Variants in EYA1 observed in about 807,000 individuals in gnomAD.
EYA1 encodes protein phosphatase EYA1.
A neutral mutation model predicts 82.0 loss-of-function variants in EYA1; 16 were observed. The ratio of observed to expected loss-of-function variants is 0.20; its 90% CI spans 0.13 to 0.30. The LOEUF is 0.30. EYA1 is among the 10% of genes least tolerant of loss of function. The pLI is 1.00. For synonymous variants in EYA1, 261 were observed against 264.4 expected (o/e 0.99, Z 0.12); for missense variants, 633 against 730.7 (o/e 0.87, Z 1.54).
chr8:71,470,406 A>G (rs1809099488), intron 2 of EYA1, among the ~76,000 whole-genome samples: 1 of 152,102 alleles, frequency 6.6e-6, no homozygotes, highest in Admixed American at 6.6e-5. Flanking sequence ...CATAACTCAC[A>G]TATGAATTTC....
intron 2 of EYA1, among the ~76,000 whole-genome samples, chr8:71,479,460 TC>T (rs2129209940): frequency 6.6e-6 from 1 of 152,248 alleles, no homozygotes; most frequent in African/African-American, 2.4e-5. Context: ...ACTTATACTT[TC>T]TTTTATTGCC....
At position 71,299,130 on chromosome 8, in the gene EYA1, G is replaced by A. The variant is rs186736708; in HGVS notation, c.743C>T (p.Thr248Met). 71 of 1,614,136 alleles carry A rather than the reference G, an allele frequency of 4.4e-5. No individual in the cohort carries two copies. In the East Asian group the frequency reaches 4.7e-4, roughly 11 times the overall value. Residue 248 changes from threonine (T) to methionine (M), a missense_variant, in exon 9 of 18, where the codon ACG (threonine) becomes ATG (methionine). Thr to Met is a moderately conservative substitution (Grantham distance 81). Transcript: ENST00000340726. ...GTAAGTGGCATTGGTGGATGGTGTCGTTGGGCTGGTGTTGCTGCTGGTCAT... is the reference window on the plus strand; with the variant it reads ...GTAAGTGGCATTGGTGGATGGTGTCATTGGGCTGGTGTTGCTGCTGGTCAT... ...HYMTSSNTSP[T>M]TPSTNATYQL...
Position 71,304,910 on chromosome 8 carries a change from T to C in EYA1, c.557-5190A>G, listed in dbSNP as rs553707815. On this transcript the variant is annotated intron_variant, in intron 7 of 17. Coordinates refer to ENST00000340726, the MANE Select transcript of EYA1 (RefSeq NM_000503.6). ...AGCAAAGGCAAAACAACAATGCTCA[T>C]GCTCCCCAGAAAGCTTCAGTGTATG... 5.6e-5 allele frequency among the ~76,000 whole-genome samples: 8 copies of C among 142,998 alleles called. No homozygotes were observed. The South Asian group carries it at 9.2e-4, about 16-fold the overall frequency. 93.8% of individuals were successfully genotyped at this position (142,998 alleles called of 152,430 possible). A position where few individuals can be genotyped will look rare whatever the true frequency, so the allele number is the denominator to read the frequency against.
intron 2 of EYA1, among the ~76,000 whole-genome samples, chr8:71,477,860 G>A (rs1039084637): frequency 1.8e-4 from 27 of 152,180 alleles, no homozygotes; most frequent in African/African-American, 5.8e-4. Flanking sequence ...AAAATAAAAC[G>A]TGGTACATTC....
At chr8:71,417,662 G>A (rs563859088) in intron 2 of EYA1, among the ~76,000 whole-genome samples, 1 of 152,226 alleles carries the variant, frequency 6.6e-6, no homozygotes, top group Non-Finnish European at 1.5e-5. Context: ...CTAATGGGTA[G>A]ACACAAGGGT....
chr8:71,542,169 A>G (rs1815190466), intron 1 of EYA1, among the ~76,000 whole-genome samples: 1 of 152,138 alleles, frequency 6.6e-6, no homozygotes, highest in Non-Finnish European at 1.5e-5. Flanking sequence ...TCACCTAGGT[A>G]TTAAGCCTAG....
At chr8:71,527,530 C>T (rs534288360) in intron 2 of EYA1, among the ~76,000 whole-genome samples, 26 of 152,252 alleles carry the variant, frequency 1.7e-4, no homozygotes, top group Middle Eastern at 3.4e-3. Context: ...AAGGAGAGAG[C>T]GCACAACTGT....
At chr8:71,373,868 A>G (rs780377198) in intron 2 of EYA1, among the ~76,000 whole-genome samples, 2 of 152,152 alleles carry the variant, frequency 1.3e-5, no homozygotes, top group Non-Finnish European at 2.9e-5. Context: ...CAACAAGACC[A>G]CCAATAAGAC....
Position 71,283,326 on chromosome 8 carries a change from G to A in EYA1, c.827-11429C>T, listed in dbSNP as rs1029013908. Among the ~76,000 whole-genome samples the A allele has an allele frequency of 4.3e-4, 66 of 152,254 alleles. 1 individual carries two copies. Among genetic ancestry groups the A allele is most frequent in the Admixed American group, 4.0e-3 (61 of 15,302 alleles). On this transcript the variant is annotated intron_variant, in intron 9 of 17. Coordinates refer to ENST00000340726, the MANE Select transcript of EYA1 (RefSeq NM_000503.6). ...GTGTCACCCGATGGACAACTCTTCC[G>A]AAACAGTTTACCTGCCCTAACGCTA...
intron 9 of EYA1, among the ~76,000 whole-genome samples, chr8:71,276,423 T>A (rs1042412992): frequency 2.6e-5 from 4 of 152,182 alleles, no homozygotes; most frequent in African/African-American, 9.7e-5. Flanking sequence ...TCCCACTATT[T>A]CTAGACCTCT....
intron 12 of EYA1, among the ~76,000 whole-genome samples, chr8:71,236,754 A>G (rs1811885439): frequency 6.6e-6 from 1 of 152,238 alleles, no homozygotes; most frequent in Admixed American, 6.5e-5. Context: ...ATGCTGTTAA[A>G]TGGAATAATG....
At chr8:71,393,952 T>A (rs988487910) in intron 2 of EYA1, among the ~76,000 whole-genome samples, 25 of 150,630 alleles carry the variant, frequency 1.7e-4, no homozygotes, top group African/African-American at 5.3e-4. Context: ...CTCTCCAGCA[T>A]CTGTTTCCTG....
chr8:71,457,456 G>A (rs1808026787), intron 2 of EYA1, among the ~76,000 whole-genome samples: 1 of 152,126 alleles, frequency 6.6e-6, no homozygotes, highest in Admixed American at 6.5e-5. Flanking sequence ...AAAGACACGT[G>A]CGCACGTATG....
intron 2 of EYA1, among the ~76,000 whole-genome samples, chr8:71,416,048 G>A (rs377292995): frequency 1.1e-4 from 16 of 152,234 alleles, no homozygotes; most frequent in Middle Eastern, 3.4e-3. Flanking sequence ...TCCCTGTGCC[G>A]CAGGAGGCTG....
intron 2 of EYA1, among the ~76,000 whole-genome samples, chr8:71,459,563 C>T (rs1808212764): frequency 1.3e-5 from 2 of 152,080 alleles, no homozygotes; most frequent in Admixed American, 6.5e-5. Context: ...TTTATTTCTG[C>T]TATTTATTTT....
chr8:71,474,056 G>C (rs1322341655), intron 2 of EYA1, among the ~76,000 whole-genome samples: 2 of 152,086 alleles, frequency 1.3e-5, no homozygotes, highest in East Asian at 1.9e-4. Context: ...TTATTGGGGG[G>C]TGCATAGAAG....
chr8:71,322,124 G>A, intron 5 of EYA1, 75 bp downstream of exon 5: 2 of 1,273,398 alleles, frequency 1.6e-6, no homozygotes, highest in South Asian at 1.2e-5. Flanking sequence ...GAACATGTGG[G>A]CACAGACATG....
chr8:71,354,378 G>A (rs890683640), intron 3 of EYA1, among the ~76,000 whole-genome samples: 4 of 151,884 alleles, frequency 2.6e-5, no homozygotes, highest in African/African-American at 7.3e-5. Flanking sequence ...AAACAAATTC[G>A]GCTATATTTA....
intron 12 of EYA1, among the ~76,000 whole-genome samples, chr8:71,232,727 T>G (rs772176352): frequency 6.6e-6 from 1 of 152,078 alleles, no homozygotes; most frequent in African/African-American, 2.4e-5. Flanking sequence ...GTTGGAATTC[T>G]ACAAGAGAAT....
Sources: allele counts gnomAD v4.1 joint callset (sites outside exome capture counted in the v4.1 genomes callset), GRCh38; gene constraint gnomAD v4.1.1; transcripts MANE v1.5; gene names NCBI Gene and HGNC (gene_info 2026-07-23, HGNC 2026-07-21).